Variants in ACYP2 observed in about 807,000 individuals in gnomAD.
The protein encoded by ACYP2 is acylphosphatase-2.
A neutral mutation model predicts 11.2 loss-of-function variants in ACYP2; 12 were observed. The ratio of observed to expected loss-of-function variants is 1.08; its 90% CI spans 0.69 to 1.74. The LOEUF is 1.74. Among genes scored for constraint, ACYP2 ranks in the 40% most tolerant of loss-of-function variants. The probability of loss-of-function intolerance (pLI) is 0.00; values close to 1 mark genes in which losing one functional copy is unlikely to be tolerated. For missense variants in ACYP2, 134 were observed against 101.9 expected, an observed-to-expected ratio of 1.31 and a Z score of -1.35; for synonymous variants, 43 against 32.2, an observed-to-expected ratio of 1.33 and a Z score of -1.13.
intron 6 of ACYP2, among the ~76,000 whole-genome samples, chr2:54,232,836 G>A (rs983252774): frequency 2.0e-5 from 3 of 152,042 alleles, no homozygotes; most frequent in Non-Finnish European, 4.4e-5. Context: ...ACAGCAAGGG[G>A]GAAATCCGCC....
rs535298668 is a variant in ACYP2, at chr2:54,113,780, TGA to T, written c.278-21667_278-21666del. 1.4e-4 allele frequency among the ~76,000 whole-genome samples: 22 copies of T among 152,284 alleles called. No homozygotes were observed. In the South Asian group the frequency reaches 4.6e-3, roughly 32 times the overall value. The stretch of plus-strand genomic sequence containing the variant: ...GGTTCTTTGTTTTAAACCTCTGTAC[TGA>T]GAGAGCAGAATAACCGAGAGTGTCT... On this transcript the variant is annotated intron_variant, in intron 4 of 6. Transcript: ENST00000607452.
rs1688411966 is a variant in ACYP2, at chr2:54,273,607, G to A, written c.405-31081G>A. Reference sequence around the variant, plus strand: ...AGCCTCCCGATTAGCTAAGATTACAGGTGCCCACCACTACGCCCATCTAAT... The same window carrying A: ...AGCCTCCCGATTAGCTAAGATTACAAGTGCCCACCACTACGCCCATCTAAT... On this transcript the variant is annotated intron_variant, in intron 6 of 6. Transcript: ENST00000607452. Among the ~76,000 whole-genome samples the A allele has an allele frequency of 2.6e-5, 4 of 152,192 alleles. No individual in the cohort carries two copies. In the South Asian group the frequency reaches 8.3e-4, roughly 32 times the overall value.
chr2:54,269,552 C>T (rs1006286817), intron 6 of ACYP2, among the ~76,000 whole-genome samples: 5 of 152,202 alleles, frequency 3.3e-5, no homozygotes, highest in Non-Finnish European at 5.9e-5. Context: ...CAGCGTGTTC[C>T]TCACCTTCCC....
intron 2 of ACYP2, among the ~76,000 whole-genome samples, chr2:53,996,467 T>A (rs1290536618): frequency 6.6e-6 from 1 of 152,114 alleles, no homozygotes; most frequent in Non-Finnish European, 1.5e-5. Context: ...GAGACTTTGA[T>A]ATATATTGAG....
intron 6 of ACYP2, among the ~76,000 whole-genome samples, chr2:54,295,703 C>T: frequency 6.6e-6 from 1 of 152,132 alleles, no homozygotes; most frequent in African/African-American, 2.4e-5. Flanking sequence ...TGAGTACCCA[C>T]TATTACCAGG....
intron 4 of ACYP2, among the ~76,000 whole-genome samples, chr2:54,126,902 C>T (rs1045520200): frequency 3.4e-5 from 5 of 148,116 alleles, no homozygotes; most frequent in Non-Finnish European, 7.4e-5. Flanking sequence ...TGCAGTGAGC[C>T]GAGATTGTGC....
At chr2:54,143,470 G>T (rs1558566334) in intron 6 of ACYP2, among the ~76,000 whole-genome samples, 1 of 151,990 alleles carries the variant, frequency 6.6e-6, no homozygotes, top group Non-Finnish European at 1.5e-5. Context: ...GTCTCGCTTT[G>T]TTGCCCACGC....
chr2:54,046,502 A>T (rs1352838388), intron 2 of ACYP2, among the ~76,000 whole-genome samples: 1 of 149,464 alleles, frequency 6.7e-6, no homozygotes, highest in Non-Finnish European at 1.5e-5. Flanking sequence ...AAAAAAAAAA[A>T]GGTTGCTTGA....
intron 6 of ACYP2, among the ~76,000 whole-genome samples, chr2:54,202,197 C>T (rs1047966658): frequency 1.3e-5 from 2 of 152,132 alleles, no homozygotes; most frequent in Non-Finnish European, 2.9e-5. Flanking sequence ...CACTCTCCGC[C>T]TCCCAGGTTC....
intron 6 of ACYP2, among the ~76,000 whole-genome samples, chr2:54,231,448 C>T (rs1018382044): frequency 1.3e-5 from 2 of 152,098 alleles, no homozygotes; most frequent in Non-Finnish European, 2.9e-5. Context: ...AATTCATGTG[C>T]ATTTCTGAGT....
At chr2:54,197,796 G>T (rs531161927) in intron 6 of ACYP2, among the ~76,000 whole-genome samples, 1 of 152,146 alleles carries the variant, frequency 6.6e-6, no homozygotes, top group Non-Finnish European at 1.5e-5. Flanking sequence ...AAAAGACTGG[G>T]GAGGGACAGT....
At chr2:54,123,877 C>T (rs1264003469) in intron 4 of ACYP2, among the ~76,000 whole-genome samples, 1 of 152,166 alleles carries the variant, frequency 6.6e-6, no homozygotes, top group Non-Finnish European at 1.5e-5. Flanking sequence ...ATACGGCTTA[C>T]ATTTCATTGG....
At position 54,138,733 on chromosome 2, in the gene ACYP2, A is replaced by C; in HGVS notation, c.389A>C (p.Asp130Ala). Residue 130 changes from aspartate to alanine, a missense_variant, in exon 6 of 7, where the codon GAC (aspartate) becomes GCC (alanine). Physicochemically the swap from Asp to Ala is moderately radical, Grantham distance 126 (BLOSUM62 -2). Transcript: ENST00000607452. ...ACAGGCCAAGTGCAGGGGCCAGAAG[A>C]CAAAGTCAATTCCATGTGAGTAGTA... The C allele has an allele frequency of 1.2e-6, 2 of 1,613,518 alleles. No individual in the cohort carries two copies. Among genetic ancestry groups the C allele is most frequent in the South Asian group, 1.1e-5 (1 of 90,992 alleles).
intron 6 of ACYP2, among the ~76,000 whole-genome samples, chr2:54,279,881 A>T (rs768834648): frequency 6.6e-6 from 1 of 152,200 alleles, no homozygotes; most frequent in Non-Finnish European, 1.5e-5. Flanking sequence ...TGTATCCCAG[A>T]TGCTTAGCAC....
At chr2:54,252,062 C>T (rs11896604) in intron 6 of ACYP2, among the ~76,000 whole-genome samples, 26 of 152,162 alleles carry the variant, frequency 1.7e-4, no homozygotes, top group African/African-American at 4.8e-4. Context: ...TTGCAAGGAG[C>T]GTAAATCTCA....
At chr2:54,114,380 C>CAAAAAAA (rs58390248) in intron 4 of ACYP2, among the ~76,000 whole-genome samples, 16 of 104,344 alleles carry the variant, frequency 1.5e-4, no homozygotes, top group Non-Finnish European at 2.2e-4. Flanking sequence ...TCAAGACAAT[C>CAAAAAAA]AAAAAAAAAA....
intron 6 of ACYP2, chr2:54,254,312 G>A (rs1387669474): frequency 1.3e-5 from 2 of 152,410 alleles, no homozygotes; most frequent in African/African-American, 2.4e-5. Flanking sequence ...AGAAACCAGA[G>A]AGTGGAGCTG....
At position 53,985,800 on chromosome 2, in the gene ACYP2, A is replaced by G. The variant is rs565647878; in HGVS notation, c.62+11990A>G. 2.2e-4 allele frequency among the ~76,000 whole-genome samples: 34 copies of G among 152,206 alleles called. 2 individuals are homozygous for G. The highest frequency in any genetic ancestry group is 9.2e-4 in the Admixed American group (14 of 15,260). On this transcript the variant is annotated intron_variant, in intron 2 of 6. Coordinates refer to ENST00000607452, the MANE Select transcript of ACYP2 (RefSeq NM_001320586.2). ...ATAATGATGAGTGAGTTCAGGCTCT[A>G]TTTGTTCCCATGAGATTTCACCTGA...
intron 4 of ACYP2, among the ~76,000 whole-genome samples, chr2:54,069,268 A>G (rs1404919581): frequency 1.3e-5 from 2 of 152,180 alleles, no homozygotes; most frequent in African/African-American, 4.8e-5. Flanking sequence ...CCAGAAGGTA[A>G]TGTGATTCAG....
Sources: allele counts gnomAD v4.1 joint callset (sites outside exome capture counted in the v4.1 genomes callset), GRCh38; gene constraint gnomAD v4.1.1; transcripts MANE v1.5; gene names NCBI Gene and HGNC (gene_info 2026-07-23, HGNC 2026-07-21).